The following CPLANE1 variants were observed in gnomAD, a reference collection of about 807,000 sequenced individuals.
CPLANE1 encodes the protein ciliogenesis and planar polarity effector 1.
Under a neutral mutation model 362.5 loss-of-function variants are expected in CPLANE1, and 263 were observed. The observed-to-expected ratio is 0.73, with a 90% confidence interval of 0.66 to 0.80. The LOEUF (loss-of-function observed/expected upper bound fraction) is 0.80, where lower values mean the gene tolerates loss of function less well. CPLANE1 is among the 30% of genes least tolerant of loss of function. CPLANE1 has a pLI of 0.00. For missense variants in CPLANE1, 3,461 were observed against 3,793.4 expected (o/e 0.91, Z 2.30); for synonymous variants, 1,212 against 1,302.6 (o/e 0.93, Z 1.50).
intron 19 of CPLANE1, among the ~76,000 whole-genome samples, chr5:37,200,250 C>T (rs976237181): frequency 8.5e-5 from 13 of 152,226 alleles, no homozygotes; most frequent in Admixed American, 3.3e-4. Context: ...AACTGATATA[C>T]GGTGACATTT....
intron 8 of CPLANE1, among the ~76,000 whole-genome samples, chr5:37,232,410 C>T (rs547645506): frequency 3.3e-5 from 5 of 150,396 alleles, no homozygotes; most frequent in East Asian, 4.0e-4. Context: ...CCCAGCTACT[C>T]GGGAGGCTGA....
At chr5:37,090,955 T>C in the CPLANE1 span, among the ~76,000 whole-genome samples, 45 of 152,356 alleles carry the variant, frequency 3.0e-4, no homozygotes, top group Non-Finnish European at 5.9e-4. Context: ...CACAGCTTTC[T>C]GCCTGGCCCA....
At chr5:37,115,108 T>C (rs1057348824) in intron 50 of CPLANE1, 59 bp from the exon 51 acceptor site, 1 of 1,112,962 alleles carries the variant, frequency 9.0e-7, no homozygotes, top group Non-Finnish European at 1.3e-6. Context: ...TTTATATATA[T>C]TGTGAGTTAT....
At chr5:37,230,015 A>T (rs1429725378) in intron 9 of CPLANE1, among the ~76,000 whole-genome samples, 1 of 152,140 alleles carries the variant, frequency 6.6e-6, no homozygotes, top group Non-Finnish European at 1.5e-5. Context: ...CGTCTCTACT[A>T]AAAATACAAA....
chr5:37,223,701 T>C (rs1335377377), intron 14 of CPLANE1, among the ~76,000 whole-genome samples: 5 of 152,206 alleles, frequency 3.3e-5, no homozygotes, highest in African/African-American at 4.8e-5. Context: ...AGCCCATACT[T>C]AATGCAATGA....
At chr5:37,232,833 T>C (rs1409509262) in intron 8 of CPLANE1, among the ~76,000 whole-genome samples, 1 of 131,632 alleles carries the variant, frequency 7.6e-6, no homozygotes, top group Non-Finnish European at 1.5e-5. Flanking sequence ...GAACAAGACC[T>C]TGTTGCAAAA....
At chr5:37,121,473 T>A (rs1762602649) in intron 49 of CPLANE1, 144 bp downstream of exon 49, 3 of 729,350 alleles carry the variant, frequency 4.1e-6, no homozygotes, top group Non-Finnish European at 6.8e-6. Context: ...GACCTCATGA[T>A]TATGAGGCTA....
Position 37,247,550 on chromosome 5 carries a change from T to A in CPLANE1, c.81+68A>T, listed in dbSNP as rs552719858. ...TTTATTTAAGATCATAGAACACTCC[T>A]ATATTACAGGCAAAACACACATATA... is the stretch of plus-strand genomic sequence containing the variant. On this transcript the variant is annotated intron_variant, in intron 2 of 52. Coordinates refer to ENST00000651892, the MANE Select transcript of CPLANE1 (RefSeq NM_001384732.1). The A allele has an allele frequency of 2.4e-5, 32 of 1,358,520 alleles. No homozygotes were observed. The South Asian group carries it at 4.3e-4, about 18-fold the overall frequency. 84.2% of individuals were successfully genotyped at this position (1,358,520 alleles called of 1,614,324 possible). A position where few individuals can be genotyped will look rare whatever the true frequency, so the allele number is the denominator to read the frequency against.
At chr5:37,079,711 T>G in the CPLANE1 span, among the ~76,000 whole-genome samples, 1 of 152,178 alleles carries the variant, frequency 6.6e-6, no homozygotes, top group East Asian at 1.9e-4. Context: ...TGAACACACA[T>G]GAATGGTCAG....
In CPLANE1 at chr5:37,168,516, T is replaced by TA. The variant is rs964320268; in HGVS notation, c.7233+274dup. Among the ~76,000 whole-genome samples the TA allele has an allele frequency of 4.9e-4, 74 of 152,230 alleles. 1 individual carries two copies. The highest frequency in any genetic ancestry group is 2.4e-4 in the Non-Finnish European group (16 of 68,014). ...ACCTTTAAAATACACAATTTTTTTT[T>TA]AATAGAGACAGCTTCTCCCTATGTT... is the stretch of plus-strand genomic sequence containing the variant. On this transcript the variant is annotated intron_variant, in intron 34 of 52. Coordinates refer to ENST00000651892, the MANE Select transcript of CPLANE1 (RefSeq NM_001384732.1).
chr5:37,092,110 TTAG>T, the CPLANE1 span, among the ~76,000 whole-genome samples: 1 of 152,208 alleles, frequency 6.6e-6, no homozygotes, highest in African/African-American at 2.4e-5. Context: ...GGCTCTTATC[TTAG>T]ACCCGCCTTT....
Position 37,206,204 on chromosome 5 carries a change from A to G in CPLANE1, c.3142T>C (p.Phe1048Leu), listed in dbSNP as rs769461781. The G allele has an allele frequency of 8.4e-6, 13 of 1,549,660 alleles. No homozygotes were observed. The highest frequency in any genetic ancestry group is 2.6e-6 in the Non-Finnish European group (3 of 1,145,104). The change falls in exon 17 of 53, where the codon TTC becomes CTC. Residue 1048 changes from phenylalanine to leucine, a missense_variant. Phe to Leu is a conservative substitution (Grantham distance 22, BLOSUM62 0). This residue lies in a region of CPLANE1 where 3,380 missense variants were observed against 3,666.1 expected (regional missense o/e 0.92). Transcript: ENST00000651892. Reference sequence around the variant, plus strand: ...TTGCCTAAAAATCCATACCTCATGAAATTGCTATCACGTTTACAGAACAGC... The same window carrying G: ...TTGCCTAAAAATCCATACCTCATGAGATTGCTATCACGTTTACAGAACAGC... ...FQLFCKRDSN[F>L]MRSKKKSLNL...
intron 15 of CPLANE1, among the ~76,000 whole-genome samples, chr5:37,215,357 T>C (rs1793754642): frequency 6.6e-6 from 1 of 152,148 alleles, no homozygotes; most frequent in South Asian, 2.1e-4. Flanking sequence ...CCTCTTAGGA[T>C]TTTCTTAATA....
At position 37,247,722 on chromosome 5, in the gene CPLANE1, A is replaced by G. The variant is rs1740201460; in HGVS notation, c.-24T>C. ...ATGTTTGTTAAGCTATCAATGACCA[A>G]TTAAGTAAAACAGTCCCAAGATTCT... On this transcript the variant is annotated 5_prime_UTR_variant, in exon 2 of 53. Coordinates refer to ENST00000651892, the MANE Select transcript of CPLANE1 (RefSeq NM_001384732.1). 2 of 1,532,442 alleles carry G rather than the reference A, an allele frequency of 1.3e-6. No individual in the cohort carries two copies. 94.9% of individuals were successfully genotyped at this position (1,532,442 alleles called of 1,614,324 possible). A position where few individuals can be genotyped will look rare whatever the true frequency, so the allele number is the denominator to read the frequency against.
chr5:37,244,675 T>C, intron 4 of CPLANE1, 68 bp from the exon 5 acceptor site: 1 of 862,434 alleles, frequency 1.2e-6, no homozygotes, highest in East Asian at 2.7e-5. Context: ...AGTACATAAT[T>C]TATGTATTCT....
intron 23 of CPLANE1, among the ~76,000 whole-genome samples, chr5:37,186,696 C>A (rs1414936793): frequency 6.6e-6 from 1 of 152,154 alleles, no homozygotes; most frequent in African/African-American, 2.4e-5. Context: ...GCACATCCAT[C>A]AATACACACA....
chr5:37,124,251 T>C (rs1258446711), intron 47 of CPLANE1, among the ~76,000 whole-genome samples: 2 of 152,212 alleles, frequency 1.3e-5, no homozygotes, highest in Non-Finnish European at 2.9e-5. Flanking sequence ...TATTTCAGAT[T>C]ACAAAGTAAA....
chr5:37,209,788 A>G lies in CPLANE1; in HGVS notation c.2921-3363T>C, dbSNP rs1284901304. ...GAAAACCAAAAAGGTTTTCTTATGC[A>G]TTTTTTAAAAGGATTGGCAGAATAT... On this transcript the variant is annotated intron_variant, in intron 16 of 52. Coordinates refer to ENST00000651892, the MANE Select transcript of CPLANE1 (RefSeq NM_001384732.1). This position sits in a 1 kb window ranked among gnomAD's most constrained non-coding sequence, Gnocchi z 4.6. 1.5e-6 allele frequency: 2 copies of G among 1,314,424 alleles called. No homozygotes were observed. Among genetic ancestry groups the G allele is most frequent in the Middle Eastern group, 2.6e-4 (1 of 3,884 alleles). 81.4% of individuals were successfully genotyped at this position (1,314,424 alleles called of 1,614,324 possible).
chr5:37,127,088 G>A (rs1764342625), intron 46 of CPLANE1, among the ~76,000 whole-genome samples: 1 of 152,168 alleles, frequency 6.6e-6, no homozygotes, highest in East Asian at 1.9e-4. Flanking sequence ...ACTTGTTACT[G>A]GAGGAATTAA....
Sources: allele counts gnomAD v4.1 joint callset (sites outside exome capture counted in the v4.1 genomes callset), GRCh38; gene constraint gnomAD v4.1.1; regional missense constraint gnomAD v4.1.1; non-coding constraint Gnocchi (gnomAD v3.1); transcripts MANE v1.5; gene names NCBI Gene and HGNC (gene_info 2026-07-23, HGNC 2026-07-21).